The following COL5A1 variants were observed in gnomAD, a reference collection of about 807,000 sequenced individuals.
The protein encoded by COL5A1 is collagen type V alpha 1 chain.
Under a neutral mutation model 263.7 loss-of-function variants are expected in COL5A1, and 16 were observed. The ratio of observed to expected loss-of-function variants is 0.06; its 90% CI spans 0.04 to 0.09. The LOEUF (loss-of-function observed/expected upper bound fraction) is 0.09. Ranked by LOEUF, COL5A1 falls within the 10% of genes least tolerant of loss-of-function variation. COL5A1 has a pLI of 1.00. For missense variants in COL5A1, 2,036 were observed against 2,540.5 expected, an observed-to-expected ratio of 0.80 and a Z score of 4.27; for synonymous variants, 1,012 against 1,004.5, an observed-to-expected ratio of 1.01 and a Z score of -0.14.
intron 2 of COL5A1, among the ~76,000 whole-genome samples, chr9:134,693,310 G>A (rs1441460213): frequency 6.6e-6 from 1 of 152,166 alleles, no homozygotes; most frequent in Non-Finnish European, 1.5e-5. Context: ...GCAACGGAGT[G>A]AGTGAGACTG....
At chr9:134,693,342 CAAA>C (rs952910138) in intron 2 of COL5A1, among the ~76,000 whole-genome samples, 4 of 152,100 alleles carry the variant, frequency 2.6e-5, no homozygotes, top group African/African-American at 9.7e-5. Flanking sequence ...ACAAAACAAA[CAAA>C]AAAACCAACA....
chr9:134,727,985 G>A (rs1303520350), intron 5 of COL5A1, among the ~76,000 whole-genome samples: 1 of 152,224 alleles, frequency 6.6e-6, no homozygotes, highest in African/African-American at 2.4e-5. Context: ...GCATGAAAAT[G>A]CTCTCCCACT....
At chr9:134,731,471 C>A in intron 7 of COL5A1, 25 bp from the exon 8 acceptor site, 2 of 1,613,436 alleles carry the variant, frequency 1.2e-6, no homozygotes, top group Non-Finnish European at 1.7e-6. Flanking sequence ...GCGAGGCAAC[C>A]CTGCGCCTTC....
intron 17 of COL5A1, 106 bp downstream of exon 17, chr9:134,756,924 G>T: frequency 8.9e-7 from 1 of 1,129,666 alleles, no homozygotes; most frequent in East Asian, 2.4e-5. Flanking sequence ...CGATTATGAT[G>T]ACAGGTGGCT....
intron 9 of COL5A1, among the ~76,000 whole-genome samples, chr9:134,733,878 C>T (rs1834996430): frequency 6.6e-6 from 1 of 152,210 alleles, no homozygotes; most frequent in Non-Finnish European, 1.5e-5. Context: ...TTGAGGTTGG[C>T]CTTGGGCTTC....
At chr9:134,670,382 T>C (rs1832501962) in intron 1 of COL5A1, among the ~76,000 whole-genome samples, 2 of 152,366 alleles carry the variant, frequency 1.3e-5, no homozygotes, top group African/African-American at 4.8e-5. Flanking sequence ...AGTTGTCACC[T>C]GAGCAACTGT....
intron 4 of COL5A1, among the ~76,000 whole-genome samples, chr9:134,702,788 T>C (rs1833718242): frequency 6.6e-6 from 1 of 152,176 alleles, no homozygotes; most frequent in African/African-American, 2.4e-5. Context: ...GATTGTTGGA[T>C]TTGGGCCTCG....
intron 29 of COL5A1, among the ~76,000 whole-genome samples, chr9:134,784,434 C>T (rs756238950): frequency 2.6e-5 from 4 of 152,218 alleles, no homozygotes; most frequent in South Asian, 4.1e-4. Context: ...TTCTGAGCCC[C>T]GAGCTCCCAA....
At chr9:134,788,926 AGGTGGGTAGACAGGCGGATGAGTGGGTG>A (rs1222459118) in intron 31 of COL5A1, among the ~76,000 whole-genome samples, 1 of 135,828 alleles carries the variant, frequency 7.4e-6, no homozygotes, top group Non-Finnish European at 1.6e-5. Flanking sequence ...ATGAATGGGT[AGGTGGGTAGACAGGCGGATGAGTGGGTG>A]GGTGGGTAGA....
rs1833666427 is a variant in COL5A1 at position 134,701,298 on chromosome 9, T to C, written c.619T>C (p.Phe207Leu). The C allele has an allele frequency of 6.2e-7, 1 of 1,613,814 alleles. No individual in the cohort carries two copies. The highest frequency in any genetic ancestry group is 8.5e-7 in the Non-Finnish European group (1 of 1,180,002). The change falls in exon 4 of 66, where the codon TTT becomes CTT. Residue 207 changes from phenylalanine to leucine, a missense_variant. Physicochemically the swap from Phe to Leu is conservative, Grantham distance 22. Coordinates refer to ENST00000371817, the MANE Select transcript of COL5A1 (RefSeq NM_000093.5). ...GATCGACATCAATGGCATCATCGTG[T>C]TTGGCACCCGGATCCTGGATGAGGA... ...PMIDINGIIV[F>L]GTRILDEEVF...
chr9:134,806,317 G>A (rs1445509250), intron 42 of COL5A1, 21 bp downstream of exon 42: 5 of 1,505,690 alleles, frequency 3.3e-6, no homozygotes, highest in East Asian at 4.9e-5. Flanking sequence ...CCTTGGATTG[G>A]GGGAGCCCTT....
chr9:134,762,378 G>C (rs1836485333), intron 19 of COL5A1, among the ~76,000 whole-genome samples: 3 of 152,234 alleles, frequency 2.0e-5, no homozygotes, highest in Admixed American at 1.3e-4. Flanking sequence ...AGAAAGCTGA[G>C]ATTTGGAGGA....
At position 134,748,382 on chromosome 9, in the gene COL5A1, C is replaced by T. The variant is rs538971093; in HGVS notation, c.1495-2160C>T. ...GCACATACATACACTTACATTCACA[C>T]ATGCACACACATACACTTACATCCA... is the stretch of plus-strand genomic sequence containing the variant. On this transcript the variant is annotated intron_variant, in intron 11 of 65. Coordinates refer to ENST00000371817, the MANE Select transcript of COL5A1 (RefSeq NM_000093.5). Among the ~76,000 whole-genome samples the T allele has an allele frequency of 6.2e-3, 947 of 152,306 alleles. 12 individuals are homozygous for T. The highest frequency in any genetic ancestry group is 0.018 in the African/African-American group (737 of 41,562).
intron 63 of COL5A1, among the ~76,000 whole-genome samples, chr9:134,826,355 C>G (rs1211949829): frequency 1.3e-5 from 2 of 152,180 alleles, no homozygotes. Context: ...GGCCCTGGTC[C>G]CTCCTGAGTG....
At chr9:134,837,278 A>T (rs1588617700) in intron 65 of COL5A1, among the ~76,000 whole-genome samples, 2 of 152,260 alleles carry the variant, frequency 1.3e-5, no homozygotes, top group South Asian at 4.2e-4. Flanking sequence ...AAAAAGGGAA[A>T]CTAGCTGGCC....
At chr9:134,836,151 A>T (rs1173598209) in intron 65 of COL5A1, among the ~76,000 whole-genome samples, 1 of 152,152 alleles carries the variant, frequency 6.6e-6, no homozygotes, top group Non-Finnish European at 1.5e-5. Context: ...GGCCGGGTAA[A>T]CGGGAAGCGG....
At chr9:134,771,926 C>A (rs779140315) in intron 25 of COL5A1, among the ~76,000 whole-genome samples, 3 of 152,210 alleles carry the variant, frequency 2.0e-5, no homozygotes, top group Non-Finnish European at 4.4e-5. Flanking sequence ...GTTTGGCTCA[C>A]CGATCCTGAG....
rs777883359 is a variant in COL5A1 at position 134,728,818 on chromosome 9, AGCGGGGGACTGGGTTGGGCTGG to A, written c.924+14_924+35del. 1.9e-6 allele frequency: 3 copies of A among 1,613,908 alleles called. No individual in the cohort carries two copies. The highest frequency in any genetic ancestry group is 1.1e-5 in the South Asian group (1 of 91,068). Reference sequence around the variant, plus strand: ...ACAGAGGTCCCCGAGGTCTGGGCTGAGCGGGGGACTGGGTTGGGCTGGGCCCCTCGAGGCCATGGTGCAGGGG... The same window carrying A: ...ACAGAGGTCCCCGAGGTCTGGGCTGAGCCCCTCGAGGCCATGGTGCAGGGG... On this transcript the variant is annotated intron_variant, in intron 6 of 65. Transcript: ENST00000371817.
Position 134,844,587 on chromosome 9 carries a change from A to G in COL5A1, c.*2284A>G, listed in dbSNP as rs746184726. On this transcript the variant is annotated 3_prime_UTR_variant, in exon 66 of 66. Transcript: ENST00000371817. ...ATTTTATTTTTTCCTCTCAATATAT[A>G]TAATTGGACAAACGCTGGCAAAAAG... 1 of 152,188 alleles carries G rather than the reference A, an allele frequency of 6.6e-6. No homozygotes were observed. Among genetic ancestry groups the G allele is most frequent in the Non-Finnish European group, 1.5e-5 (1 of 68,034 alleles). The allele number at this position is 152,188 out of a possible 1,614,324, so 9.4% of individuals were successfully genotyped here.
Sources: gnomAD v4.1 joint callset for allele counts (sites outside exome capture counted in the v4.1 genomes callset) on GRCh38, gnomAD v4.1.1 for gene constraint, MANE v1.5 for transcripts, NCBI Gene and HGNC (gene_info 2026-07-23, HGNC 2026-07-21) for gene names.